Variants in CCDC171 observed in about 807,000 individuals in gnomAD.
The protein encoded by CCDC171 is coiled-coil domain containing 171.
In CCDC171, 177 loss-of-function variants were observed where a neutral mutation model predicts 168.2. That is an observed-to-expected ratio of 1.05 (90% CI 0.93 to 1.19). The LOEUF (loss-of-function observed/expected upper bound fraction) is 1.19. Ranked by LOEUF, CCDC171 falls within the 50% of genes most tolerant of loss-of-function variation. The pLI is 0.00. For missense variants in CCDC171, 1,991 were observed against 1,539.0 expected (o/e 1.29, Z -4.91); for synonymous variants, 687 against 540.8 (o/e 1.27, Z -3.75).
downstream of CCDC171, among the ~76,000 whole-genome samples, chr9:15,974,977 C>A (rs1831575533): frequency 6.6e-6 from 1 of 152,074 alleles, no homozygotes; most frequent in Non-Finnish European, 1.5e-5. Context: ...CAACGTTGCC[C>A]AGGCCGGTCT....
intron 3 of CCDC171, among the ~76,000 whole-genome samples, chr9:15,989,957 G>A (rs539245262): frequency 6.6e-6 from 1 of 152,340 alleles, no homozygotes; most frequent in Non-Finnish European, 1.5e-5. Flanking sequence ...TCTGATTGGT[G>A]TACTTGAAAG....
At position 15,821,450 on chromosome 9, in the gene CCDC171, C is replaced by T. The variant is rs545704777; in HGVS notation, c.3268-25252C>T. On this transcript the variant is annotated intron_variant, in intron 21 of 25. Coordinates refer to ENST00000380701, the MANE Select transcript of CCDC171 (RefSeq NM_173550.4). ...TATCTAGAAAACCCCATCGTCTCAG[C>T]CCAAAATCTCCTTGAGCTGATAAGC... Among the ~76,000 whole-genome samples the T allele has an allele frequency of 1.2e-4, 14 of 117,240 alleles. 2 individuals are homozygous for T. Among genetic ancestry groups the T allele is most frequent in the African/African-American group, 4.5e-4 (14 of 31,248 alleles). 76.9% of individuals were successfully genotyped at this position (117,240 alleles called of 152,430 possible).
chr9:15,590,208 G>A (rs546108163), intron 4 of CCDC171, among the ~76,000 whole-genome samples: 1 of 152,160 alleles, frequency 6.6e-6, no homozygotes, highest in South Asian at 2.1e-4. Context: ...TGAATGGGAG[G>A]GGGACTTTTA....
At position 16,021,741 on chromosome 9, in the gene CCDC171, G is replaced by A. The variant is rs1206084705; in HGVS notation, n.575-591G>A. 2.6e-5 allele frequency among the ~76,000 whole-genome samples: 4 copies of A among 152,190 alleles called. No homozygotes were observed. In the East Asian group the frequency reaches 7.7e-4, roughly 29 times the overall value. ...AGCTGTTATGAAAAGTACTAATAAT[G>A]AAATAATGTGAGCAAAAGTCTTAGA... On this transcript the variant is annotated intron_variant and non_coding_transcript_variant, in intron 4 of 9. Coordinates refer to the CCDC171 transcript ENST00000486641.
At chr9:15,562,690 A>G (rs1352081003) in intron 1 of CCDC171, among the ~76,000 whole-genome samples, 1 of 152,134 alleles carries the variant, frequency 6.6e-6, no homozygotes, top group Non-Finnish European at 1.5e-5. Context: ...CTGTTGTGCT[A>G]CCTCTGCATA....
At chr9:15,556,626 G>T (rs1361546859) in intron 1 of CCDC171, among the ~76,000 whole-genome samples, 2 of 152,066 alleles carry the variant, frequency 1.3e-5, no homozygotes, top group Non-Finnish European at 2.9e-5. Flanking sequence ...GTTCTTTGTA[G>T]ATTCTGGATA....
At chr9:15,991,681 A>C (rs1326815512) in intron 3 of CCDC171, among the ~76,000 whole-genome samples, 10 of 152,212 alleles carry the variant, frequency 6.6e-5, no homozygotes, top group Admixed American at 5.2e-4. Context: ...ATAGACCGCT[A>C]GCAGACTAAT....
At chr9:16,040,928 C>T (rs1017993512), upstream of CCDC171, among the ~76,000 whole-genome samples, 1 of 151,672 alleles carries the variant, frequency 6.6e-6, no homozygotes, top group Non-Finnish European at 1.5e-5. Context: ...TTCTACAGTT[C>T]CCTTGCTTTA....
intron 6 of CCDC171, among the ~76,000 whole-genome samples, chr9:15,594,735 G>A (rs2042219493): frequency 1.3e-5 from 2 of 152,056 alleles, no homozygotes; most frequent in African/African-American, 4.8e-5. Flanking sequence ...TCTGGGAAAA[G>A]GCTGCAGGTC....
At chr9:15,864,970 C>T (rs1412006195) in intron 23 of CCDC171, among the ~76,000 whole-genome samples, 1 of 151,988 alleles carries the variant, frequency 6.6e-6, no homozygotes, top group Non-Finnish European at 1.5e-5. Context: ...TATGTACGGC[C>T]ATAACATACA....
intron 21 of CCDC171, among the ~76,000 whole-genome samples, chr9:15,793,548 A>C (rs2058382984): frequency 7.9e-6 from 1 of 127,004 alleles, no homozygotes; most frequent in Admixed American, 9.3e-5. Flanking sequence ...CACTTATTCC[A>C]AGGTTTTTTT....
At chr9:15,690,823 A>G (rs749861227) in intron 10 of CCDC171, among the ~76,000 whole-genome samples, 3 of 152,216 alleles carry the variant, frequency 2.0e-5, no homozygotes, top group Non-Finnish European at 1.5e-5. Flanking sequence ...ATATAATATA[A>G]AAATGGGCAC....
intron 25 of CCDC171, among the ~76,000 whole-genome samples, chr9:15,930,180 C>A (rs1173532557): frequency 1.3e-5 from 2 of 151,504 alleles, no homozygotes; most frequent in African/African-American, 4.8e-5. Context: ...AATATTTGTT[C>A]AATCTATACT....
chr9:15,651,477 G>T (rs1381587234), intron 7 of CCDC171, among the ~76,000 whole-genome samples: 1 of 151,542 alleles, frequency 6.6e-6, no homozygotes, highest in African/African-American at 2.4e-5. Context: ...GACTGGTCTT[G>T]AACTCCTGAC....
intron 1 of CCDC171, among the ~76,000 whole-genome samples, chr9:15,559,323 T>G (rs529725170): frequency 1.2e-4 from 18 of 152,140 alleles, no homozygotes; most frequent in South Asian, 2.1e-4. Context: ...GTCTAATGTT[T>G]ACAGTGGGGT....
chr9:15,722,415 C>T (rs1346674836), intron 12 of CCDC171, among the ~76,000 whole-genome samples: 3 of 152,158 alleles, frequency 2.0e-5, no homozygotes, highest in Admixed American at 6.5e-5. Context: ...ATTGAAAAAG[C>T]TCATGCTTCT....
intron 24 of CCDC171, among the ~76,000 whole-genome samples, chr9:15,899,927 C>T (rs1453934911): frequency 6.6e-6 from 1 of 151,852 alleles, no homozygotes; most frequent in African/African-American, 2.4e-5. Flanking sequence ...GAACTCTTTA[C>T]CAAGCTCGAG....
At chr9:15,792,707 C>A (rs2135625173) in intron 21 of CCDC171, among the ~76,000 whole-genome samples, 1 of 152,224 alleles carries the variant, frequency 6.6e-6, no homozygotes, top group East Asian at 1.9e-4. Flanking sequence ...CCCAGAATTT[C>A]ATATCCAGCC....
intron 21 of CCDC171, among the ~76,000 whole-genome samples, chr9:15,800,456 T>C (rs1430942600): frequency 2.0e-5 from 3 of 152,114 alleles, no homozygotes; most frequent in African/African-American, 7.2e-5. Context: ...TAAAATCAGA[T>C]TATTAGATTT....
Sources: gnomAD v4.1 joint callset for allele counts (sites outside exome capture counted in the v4.1 genomes callset) on GRCh38, gnomAD v4.1.1 for gene constraint, MANE v1.5 for transcripts, NCBI Gene and HGNC (gene_info 2026-07-23, HGNC 2026-07-21) for gene names.